Variants in PHACTR2 observed in about 807,000 individuals in gnomAD.
The protein encoded by PHACTR2 is phosphatase and actin regulator 2, also known as chromosome 6 open reading frame 56.
Under a neutral mutation model 76.0 loss-of-function variants are expected in PHACTR2, and 30 were observed. The ratio of observed to expected loss-of-function variants is 0.39; its 90% CI spans 0.30 to 0.54. The LOEUF is 0.54. Ranked by LOEUF, PHACTR2 falls within the 20% of genes least tolerant of loss-of-function variation. PHACTR2 has a pLI of 0.61. For synonymous variants in PHACTR2, 292 were observed against 292.5 expected, an observed-to-expected ratio of 1.00 and a Z score of 0.02; for missense variants, 696 against 781.1, an observed-to-expected ratio of 0.89 and a Z score of 1.30.
chr6:143,677,569 T>G (rs1192659639), upstream of PHACTR2, among the ~76,000 whole-genome samples: 2 of 152,074 alleles, frequency 1.3e-5, no homozygotes, highest in African/African-American at 4.8e-5. Flanking sequence ...AAATTATATT[T>G]GTTAAAAGGA....
At chr6:143,629,799 T>C (rs1484909507) in intron 1 of PHACTR2, among the ~76,000 whole-genome samples, 1 of 152,172 alleles carries the variant, frequency 6.6e-6, no homozygotes, top group Non-Finnish European at 1.5e-5. Context: ...AGCCCTGAGA[T>C]AATGAAATTC....
rs1208340828 is a variant in PHACTR2, at chr6:143,793,313, G to C, written c.1845+4403G>C. Among the ~76,000 whole-genome samples the C allele has an allele frequency of 1.3e-5, 2 of 151,894 alleles. No homozygotes were observed. The highest frequency in any genetic ancestry group is 2.9e-5 in the Non-Finnish European group (2 of 67,982). On this transcript the variant is annotated intron_variant, in intron 11 of 12. Transcript: ENST00000440869. The surrounding 1 kb of genome is among the most constrained non-coding windows in gnomAD (Gnocchi z 4.4). ...GAAACAAAAATGGGATTTTGTTCTG[G>C]ACTTCTAGGTTGCAGGGGAAAGGTA...
Position 143,738,394 on chromosome 6 carries a change from C to A in PHACTR2, c.215-10591C>A, listed in dbSNP as rs936808633. Among the ~76,000 whole-genome samples, 1 of 151,356 alleles carries A rather than the reference C, an allele frequency of 6.6e-6. No individual in the cohort carries two copies. Among genetic ancestry groups the A allele is most frequent in the Admixed American group, 6.6e-5 (1 of 15,192 alleles). On this transcript the variant is annotated intron_variant, in intron 2 of 12. Transcript: ENST00000440869. The surrounding 1 kb of genome is among the most constrained non-coding windows in gnomAD (Gnocchi z 4.0). The stretch of plus-strand genomic sequence containing the variant: ...GATTATACATTTTTTTTCATGACCC[C>A]CCTGAAAAGATCAACCTAAAATATA...
At chr6:143,724,792 T>G (rs964321155) in intron 2 of PHACTR2, among the ~76,000 whole-genome samples, 5 of 152,262 alleles carry the variant, frequency 3.3e-5, no homozygotes, top group Admixed American at 1.3e-4. Context: ...AAGTAGCTTT[T>G]TGACTTTTCC....
chr6:143,537,530 G>A lies in PHACTR2; in HGVS notation c.217+323G>A, dbSNP rs1252775004. ...CAGGCAGCACCGCAGCTTGGCTTCC[G>A]AGGCTTTTCCATCAGAAAGAGGAAC... On this transcript the variant is annotated intron_variant, in intron 1 of 11. Transcript: ENST00000367584. This position sits in a 1 kb window ranked among gnomAD's most constrained non-coding sequence, Gnocchi z 4.4. 1.3e-5 allele frequency among the ~76,000 whole-genome samples: 2 copies of A among 152,286 alleles called. No individual in the cohort carries two copies. The highest frequency in any genetic ancestry group is 1.9e-4 in the East Asian group (1 of 5,158).
intron 11 of PHACTR2, among the ~76,000 whole-genome samples, chr6:143,796,423 T>G (rs1371486782): frequency 2.7e-5 from 4 of 149,218 alleles, no homozygotes; most frequent in Non-Finnish European, 4.5e-5. Flanking sequence ...TTCTTTGTTT[T>G]TATTATACTT....
rs1310299830 is a variant in PHACTR2, at chr6:143,608,282, A to G, written c.-28A>G. The G allele has an allele frequency of 1.2e-6, 2 of 1,613,770 alleles. No homozygotes were observed. Among genetic ancestry groups the G allele is most frequent in the Non-Finnish European group, 1.7e-6 (2 of 1,179,808 alleles). On this transcript the variant is annotated 5_prime_UTR_variant, in exon 1 of 12. Transcript: ENST00000305766. The surrounding 1 kb of genome is among the most constrained non-coding windows in gnomAD (Gnocchi z 4.6). ...GCCAGGGCTTCCCGGCTGCCAGGCT[A>G]CAGAACTCGCCTCGCCACTCCTGAG...
intron 2 of PHACTR2, among the ~76,000 whole-genome samples, chr6:143,744,965 T>C (rs56260404): frequency 0.17 from 25,686 of 152,168 alleles, 2,271 homozygotes; most frequent in Middle Eastern, 0.21. Flanking sequence ...AAAGCTCTTA[T>C]GCTTTTCCAG....
rs552083069 is a variant in PHACTR2 at position 143,598,237 on chromosome 6, T to C, written c.217+61030T>C. 1.8e-4 allele frequency among the ~76,000 whole-genome samples: 28 copies of C among 152,320 alleles called. No individual in the cohort carries two copies. The highest frequency in any genetic ancestry group is 5.8e-4 in the African/African-American group (24 of 41,562). On this transcript the variant is annotated intron_variant, in intron 1 of 11. Transcript: ENST00000367584. The surrounding 1 kb of genome is among the most constrained non-coding windows in gnomAD (Gnocchi z 4.1). ...ATGATCCTACATTATTTGGCTGGGC[T>C]CAGTGTAATCACAGGATTCCTTATA...
chr6:143,736,554 A>ATTTTTT (rs776969170), intron 2 of PHACTR2, among the ~76,000 whole-genome samples: 3 of 56,948 alleles, frequency 5.3e-5, no homozygotes, highest in Admixed American at 2.8e-4. Flanking sequence ...ACCCTTTACA[A>ATTTTTT]TTTTTTTTTT....
In PHACTR2 at chr6:143,770,729, T is replaced by C. The variant is rs147999290; in HGVS notation, c.1233-1529T>C. Reference sequence around the variant, plus strand: ...TACCAGAAAGCAATTTGGGGGATCTTTGTGTCTTAAAATGAAGATTACATT... The same window carrying C: ...TACCAGAAAGCAATTTGGGGGATCTCTGTGTCTTAAAATGAAGATTACATT... On this transcript the variant is annotated intron_variant, in intron 6 of 12. Coordinates refer to ENST00000440869, the MANE Select transcript of PHACTR2 (RefSeq NM_001100164.2). Among the ~76,000 whole-genome samples the C allele has an allele frequency of 2.9e-3, 448 of 152,226 alleles. 3 individuals carry two copies. The highest frequency in any genetic ancestry group is 0.01 in the African/African-American group (424 of 41,548).
At position 143,775,485 on chromosome 6, in the gene PHACTR2, A is replaced by G. The variant is rs1472996799; in HGVS notation, c.1589+1270A>G. Among the ~76,000 whole-genome samples the G allele has an allele frequency of 6.6e-6, 1 of 152,166 alleles. No individual in the cohort carries two copies. Among genetic ancestry groups the G allele is most frequent in the East Asian group, 1.9e-4 (1 of 5,176 alleles). On this transcript the variant is annotated intron_variant, in intron 8 of 12. Coordinates refer to ENST00000440869, the MANE Select transcript of PHACTR2 (RefSeq NM_001100164.2). The surrounding 1 kb of genome is among the most constrained non-coding windows in gnomAD (Gnocchi z 4.4). ...AAACTTGCCATCTTACCAAGGAAAA[A>G]CAAGGGGCCTCTCTGAGGCCCAGAG...
intron 6 of PHACTR2, among the ~76,000 whole-genome samples, chr6:143,771,194 GTATATATATATATATATATATATATATA>G (rs769993035): frequency 3.5e-4 from 14 of 40,466 alleles, no homozygotes; most frequent in East Asian, 1.4e-3. Flanking sequence ...ATATATGTGT[GTATATATATATATATATATATATATATA>G]TATATATATA....
rs532055833 is a variant in PHACTR2, at chr6:143,548,551, C to A, written c.217+11344C>A. ...CTTGGAATCCAATTCCACACACCAGCCTGGGCCAGGTAGCCATTCCTGACA... is the reference window on the plus strand; with the variant it reads ...CTTGGAATCCAATTCCACACACCAGACTGGGCCAGGTAGCCATTCCTGACA... On this transcript the variant is annotated intron_variant, in intron 1 of 11. Coordinates refer to the PHACTR2 transcript ENST00000367584. The surrounding 1 kb of genome is among the most constrained non-coding windows in gnomAD (Gnocchi z 4.5). Among the ~76,000 whole-genome samples, 93 of 152,194 alleles carry A rather than the reference C, an allele frequency of 6.1e-4. No homozygotes were observed. The highest frequency in any genetic ancestry group is 2.1e-3 in the African/African-American group (88 of 41,566).
At chr6:143,779,249 C>T (rs780598319) in intron 9 of PHACTR2, among the ~76,000 whole-genome samples, 3 of 151,834 alleles carry the variant, frequency 2.0e-5, no homozygotes, top group Non-Finnish European at 4.4e-5. Flanking sequence ...TGCTCTTGTT[C>T]GTTTGTTTGT....
rs1008409532 is a variant in PHACTR2, at chr6:143,647,804, A to T, written c.13+39482A>T. Among the ~76,000 whole-genome samples, 21 of 152,218 alleles carry T rather than the reference A, an allele frequency of 1.4e-4. No homozygotes were observed. Among genetic ancestry groups the T allele is most frequent in the African/African-American group, 4.6e-4 (19 of 41,452 alleles). ...GCTTGTGTCTGAGAACCACAAAAAA[A>T]GCCAGTGTGGCTGGAAAGGGCAGGT... is the stretch of plus-strand genomic sequence containing the variant. On this transcript the variant is annotated intron_variant, in intron 1 of 11. Transcript: ENST00000305766. The surrounding 1 kb of genome is among the most constrained non-coding windows in gnomAD (Gnocchi z 4.2).
rs992142804 is a variant in PHACTR2, at chr6:143,608,427, A to G, written c.13+105A>G. On this transcript the variant is annotated intron_variant, in intron 1 of 11. Coordinates refer to the PHACTR2 transcript ENST00000305766. This position sits in a 1 kb window ranked among gnomAD's most constrained non-coding sequence, Gnocchi z 4.6. ...ATTTGTTGCTCTCGTTTTGCACTTA[A>G]ATGTTCAAGACTGAGACGCGTGTAA... 6.8e-5 allele frequency: 77 copies of G among 1,140,722 alleles called. No homozygotes were observed. The African/African-American group carries it at 9.1e-4, about 14-fold the overall frequency. 70.7% of individuals were successfully genotyped at this position (1,140,722 alleles called of 1,614,324 possible). A position where few individuals can be genotyped will look rare whatever the true frequency, so the allele number is the denominator to read the frequency against.
Position 143,807,406 on chromosome 6 carries a change from A to C in PHACTR2, c.1922+273A>C, listed in dbSNP as rs1389849258. 6.6e-6 allele frequency among the ~76,000 whole-genome samples: 1 copy of C among 152,254 alleles called. No homozygotes were observed. Among genetic ancestry groups the C allele is most frequent in the East Asian group, 1.9e-4 (1 of 5,200 alleles). The stretch of plus-strand genomic sequence containing the variant: ...TAAGATTGTAAATTTCTAGAATTTC[A>C]TAATAAACTCAGCTATCTCCTTCAA... On this transcript the variant is annotated intron_variant, in intron 12 of 12. Transcript: ENST00000440869. This position sits in a 1 kb window ranked among gnomAD's most constrained non-coding sequence, Gnocchi z 5.5.
rs760657843 is a variant in PHACTR2 at position 143,678,235 on chromosome 6, C to T, written c.46+26C>T. On this transcript the variant is annotated intron_variant, in intron 1 of 12. Transcript: ENST00000440869. The surrounding 1 kb of genome is among the most constrained non-coding windows in gnomAD (Gnocchi z 6.2). ...GTGAGTCCGGGGCGCACGCGATGCG[C>T]TCCCGCCGCGCGGGCGCAGGGCTGG... 10 of 1,471,412 alleles carry T rather than the reference C, an allele frequency of 6.8e-6. No individual in the cohort carries two copies. The highest frequency in any genetic ancestry group is 4.0e-5 in the South Asian group (3 of 74,694). The allele number at this position is 1,471,412 out of a possible 1,614,324, so 91.1% of individuals were successfully genotyped here.
Sources: allele counts gnomAD v4.1 joint callset (sites outside exome capture counted in the v4.1 genomes callset), GRCh38; gene constraint gnomAD v4.1.1; non-coding constraint Gnocchi (gnomAD v3.1); transcripts MANE v1.5; gene names NCBI Gene and HGNC (gene_info 2026-07-23, HGNC 2026-07-21).